The following KIF5B variants were observed in gnomAD, a reference collection of about 807,000 sequenced individuals.
KIF5B encodes kinesin family member 5B, also known as kinesin-1 heavy chain.
Under a neutral mutation model 132.8 loss-of-function variants are expected in KIF5B, and 49 were observed. That is an observed-to-expected ratio of 0.37 (90% confidence interval 0.29 to 0.47). The LOEUF (loss-of-function observed/expected upper bound fraction) is 0.47. KIF5B is among the 20% of genes least tolerant of loss of function. The probability of loss-of-function intolerance (pLI) is 1.00; values close to 1 mark genes in which losing one functional copy is unlikely to be tolerated. For missense variants in KIF5B, 780 were observed against 1,144.0 expected (o/e 0.68, Z 4.59); for synonymous variants, 355 against 369.4 (o/e 0.96, Z 0.45).
chr10:32,043,320 A>G (rs72775199), intron 2 of KIF5B, among the ~76,000 whole-genome samples: 13,651 of 152,242 alleles, frequency 0.09, 746 homozygotes, highest in Middle Eastern at 0.14. Flanking sequence ...TACTATTATT[A>G]GTCCCATTTT....
intron 2 of KIF5B, among the ~76,000 whole-genome samples, chr10:32,047,591 T>G (rs553832165): frequency 2.0e-5 from 3 of 152,290 alleles, no homozygotes; most frequent in Non-Finnish European, 4.4e-5. Context: ...TTAGACAATA[T>G]GAAATTGATA....
At position 32,037,309 on chromosome 10, in the gene KIF5B, G is replaced by A. The variant is rs375714954; in HGVS notation, c.656C>T (p.Thr219Met). Residue 219 changes from threonine to methionine, a missense_variant, in exon 8 of 26, where the codon ACG becomes ATG. By Grantham distance (81) the Thr-to-Met change is moderately conservative. Coordinates refer to ENST00000302418, the MANE Select transcript of KIF5B (RefSeq NM_004521.3). ...AAGTTTTCCACTCAGCTTTTGTTCC[G>A]TTTGTGTGTTCTCTTGTTTGACATT... ...LINVKQENTQ[T>M]EQKLSGKLYL... 14 of 1,613,480 alleles carry A rather than the reference G, an allele frequency of 8.7e-6. No individual in the cohort carries two copies. The highest frequency in any genetic ancestry group is 3.3e-5 in the South Asian group (3 of 91,060).
Position 32,031,274 on chromosome 10 carries a change from CA to C in KIF5B, c.1379del (p.Leu460TrpfsTer15). The C allele has an allele frequency of 6.2e-7, 1 of 1,612,750 alleles. No individual in the cohort carries two copies. The highest frequency in any genetic ancestry group is 8.5e-7 in the Non-Finnish European group (1 of 1,179,118). ...KTQMLDQEEL[L>X]ASTRRDQDNM... is the part of the protein sequence containing the mutation. ...TGTCTTGATCCCTTCTGGTAGATGC[CA>C]AAAGCTATAGGACAGAAAATAATTT... On this transcript the variant is annotated frameshift_variant, in exon 14 of 26. Transcript: ENST00000302418. LOFTEE classifies it high-confidence loss of function.
chr10:32,032,079 C>T (rs1163658034), intron 13 of KIF5B, among the ~76,000 whole-genome samples: 1 of 151,720 alleles, frequency 6.6e-6, no homozygotes, highest in East Asian at 2.0e-4. Flanking sequence ...GAGAAAACCA[C>T]AATCATCCAC....
intron 2 of KIF5B, 71 bp downstream of exon 2, chr10:32,048,393 T>G: frequency 1.0e-6 from 1 of 999,976 alleles, no homozygotes; most frequent in Non-Finnish European, 1.5e-6. Flanking sequence ...AAAAGGAAGC[T>G]GAGTAAGTAG....
Position 32,056,065 on chromosome 10 carries a change from GGGCCGTGAGA to G in KIF5B, c.-102_-93del, listed in dbSNP as rs1841759239. The stretch of plus-strand genomic sequence containing the variant: ...CGGACCTGAGGGCTTGTGGTCGCGA[GGGCCGTGAGA>G]GGCAGCAGTCAGCTGCGCCGCGCTG... On this transcript the variant is annotated 5_prime_UTR_variant, in exon 1 of 26. Transcript: ENST00000302418. 1.3e-6 allele frequency: 2 copies of G among 1,496,994 alleles called. No individual in the cohort carries two copies. Among genetic ancestry groups the G allele is most frequent in the Non-Finnish European group, 1.8e-6 (2 of 1,107,392 alleles). The allele number at this position is 1,496,994 out of a possible 1,614,324, so 92.7% of individuals were successfully genotyped here.
intron 4 of KIF5B, 35 bp from the exon 5 acceptor site, chr10:32,038,861 A>G (rs770516624): frequency 1.5e-6 from 2 of 1,297,472 alleles, no homozygotes; most frequent in Non-Finnish European, 2.2e-6. Flanking sequence ...CCGATCAACT[A>G]AAGTTATATA....
At chr10:32,011,868 A>G (rs982919899) in intron 25 of KIF5B, among the ~76,000 whole-genome samples, 2 of 152,172 alleles carry the variant, frequency 1.3e-5, no homozygotes, top group Non-Finnish European at 2.9e-5. Flanking sequence ...GACAGTGGTC[A>G]GTGACCTTCT....
chr10:32,040,014 T>C (rs1022509672), intron 3 of KIF5B, among the ~76,000 whole-genome samples: 3 of 152,320 alleles, frequency 2.0e-5, no homozygotes, highest in Admixed American at 1.3e-4. Context: ...GAGTGACAGT[T>C]ATTTTGAGGA....
In KIF5B at chr10:32,034,820, G is replaced by A; in HGVS notation, c.981C>T (p.Asn327=). 1 of 1,591,256 alleles carries A rather than the reference G, an allele frequency of 6.3e-7. No individual in the cohort carries two copies. The highest frequency in any genetic ancestry group is 8.5e-7 in the Non-Finnish European group (1 of 1,172,472). The change falls in exon 11 of 26, where the codon AAC becomes AAT. Residue 327 remains asparagine (N), a synonymous_variant. Transcript: ENST00000302418. The stretch of plus-strand genomic sequence containing the variant: ...TTAACTCCACATTGACACAAACTGT[G>A]TTCTTAATTGTTTTGGCCCTAAGAG... ...LFGQRAKTIK[N]TVCVNVELTA...
intron 2 of KIF5B, among the ~76,000 whole-genome samples, chr10:32,043,100 T>TTCAAGCA: frequency 6.6e-6 from 1 of 152,084 alleles, no homozygotes; most frequent in Non-Finnish European, 1.5e-5. Flanking sequence ...GCCTCCCAGG[T>TTCAAGCA]TCAAGCAATT....
chr10:32,018,646 G>T, intron 20 of KIF5B, 84 bp from the exon 21 acceptor site: 1 of 1,002,262 alleles, frequency 1.0e-6, no homozygotes, highest in Non-Finnish European at 1.5e-6. Context: ...AATATTTTGT[G>T]TCTGAAAGGA....
At chr10:32,026,683 A>G (rs1413762670) in intron 15 of KIF5B, among the ~76,000 whole-genome samples, 2 of 152,138 alleles carry the variant, frequency 1.3e-5, no homozygotes, top group Admixed American at 1.3e-4. Flanking sequence ...CTCTCTTTAC[A>G]CTTTTTAACT....
At chr10:32,021,780 G>A (rs1309170541) in intron 17 of KIF5B, among the ~76,000 whole-genome samples, 1 of 152,078 alleles carries the variant, frequency 6.6e-6, no homozygotes, top group Non-Finnish European at 1.5e-5. Flanking sequence ...AGACCATCCT[G>A]CGTAACACGG....
At chr10:32,012,137 C>T (rs1841091465) in intron 25 of KIF5B, among the ~76,000 whole-genome samples, 1 of 152,060 alleles carries the variant, frequency 6.6e-6, no homozygotes, top group African/African-American at 2.4e-5. Context: ...GTCATCCTTT[C>T]CAAAAATAAA....
In KIF5B at chr10:32,031,147, C is replaced by G. The variant is rs371721879; in HGVS notation, c.1507G>C (p.Asp503His). Residue 503 changes from aspartate to histidine, a missense_variant, in exon 14 of 26, where the codon GAT becomes CAT. Physicochemically the swap from Asp to His is moderately conservative, Grantham distance 81. Coordinates refer to ENST00000302418, the MANE Select transcript of KIF5B (RefSeq NM_004521.3). ...TCTTCAACTTCCTGAGACTTCTGAT[C>G]ATAATTGACAGCAAGTTCTTCTAGG... ...QALEELAVNYDQKSQEVEDKT... is the reference protein window; with the variant it reads ...QALEELAVNYHQKSQEVEDKT... The G allele has an allele frequency of 1.2e-6, 2 of 1,613,852 alleles. No homozygotes were observed. The highest frequency in any genetic ancestry group is 1.7e-6 in the Non-Finnish European group (2 of 1,179,956).
At position 32,010,570 on chromosome 10, in the gene KIF5B, C is replaced by T. The variant is rs946705835; in HGVS notation, c.*967G>A. ...ATTTCCACACGCTATAAATTTAGGT[C>T]GGCCAATAAAGTACTAACCGTATAA... On this transcript the variant is annotated 3_prime_UTR_variant, in exon 26 of 26. Transcript: ENST00000302418. 11 of 152,034 alleles carry T rather than the reference C, an allele frequency of 7.2e-5. No individual in the cohort carries two copies. Among genetic ancestry groups the T allele is most frequent in the African/African-American group, 2.2e-4 (9 of 41,400 alleles). 9.4% of individuals were successfully genotyped at this position (152,034 alleles called of 1,614,324 possible).
At chr10:32,033,334 ACAG>A (rs903458717) in intron 12 of KIF5B, among the ~76,000 whole-genome samples, 7 of 152,204 alleles carry the variant, frequency 4.6e-5, no homozygotes, top group Non-Finnish European at 1.0e-4. Context: ...ACCAAGAAGC[ACAG>A]CAGGAGGTGA....
At chr10:32,039,562 A>C in intron 3 of KIF5B, 131 bp from the exon 4 acceptor site, 1 of 571,530 alleles carries the variant, frequency 1.7e-6, no homozygotes, top group Non-Finnish European at 3.1e-6. Context: ...CTCTGTAAAT[A>C]CCTAAAAAAT....
Sources: allele counts gnomAD v4.1 joint callset (sites outside exome capture counted in the v4.1 genomes callset), GRCh38; gene constraint gnomAD v4.1.1; transcripts MANE v1.5; gene names NCBI Gene and HGNC (gene_info 2026-07-23, HGNC 2026-07-21).